Variants in CNTN4 observed in about 807,000 individuals in gnomAD.
CNTN4 encodes the protein contactin 4.
Under a neutral mutation model 122.5 loss-of-function variants are expected in CNTN4, and 77 were observed. The observed-to-expected ratio is 0.63, with a 90% confidence interval of 0.52 to 0.76. The LOEUF is 0.76. CNTN4 is among the 30% of genes least tolerant of loss of function. The probability of loss-of-function intolerance (pLI) is 0.00; values close to 1 mark genes in which losing one functional copy is unlikely to be tolerated. For synonymous variants in CNTN4, 512 were observed against 447.0 expected (o/e 1.15, Z -1.83); for missense variants, 1,256 against 1,259.1 (o/e 1.00, Z 0.04).
At chr3:2,300,653 C>T (rs1449561590) in intron 2 of CNTN4, among the ~76,000 whole-genome samples, 2 of 143,432 alleles carry the variant, frequency 1.4e-5, no homozygotes, top group Non-Finnish European at 1.5e-5. Flanking sequence ...CTCACTGCAA[C>T]CTCTGCCTCC....
At chr3:2,767,607 C>T (rs965009696) in intron 6 of CNTN4, among the ~76,000 whole-genome samples, 6 of 152,040 alleles carry the variant, frequency 3.9e-5, no homozygotes, top group African/African-American at 1.4e-4. Flanking sequence ...ACAGTGAGTC[C>T]ATGGAATACC....
intron 3 of CNTN4, among the ~76,000 whole-genome samples, chr3:2,539,432 A>G (rs551259939): frequency 8.5e-5 from 13 of 152,200 alleles, no homozygotes; most frequent in Middle Eastern, 3.4e-3. Flanking sequence ...GTGTTTTGGA[A>G]ACAAATAAGA....
At chr3:2,359,786 G>A (rs993959473) in intron 3 of CNTN4, among the ~76,000 whole-genome samples, 1 of 152,060 alleles carries the variant, frequency 6.6e-6, no homozygotes, top group Non-Finnish European at 1.5e-5. Flanking sequence ...TGATCCACCC[G>A]CCTCGGCCTC....
chr3:2,649,828 T>A lies in CNTN4; in HGVS notation c.55+78270T>A, dbSNP rs138452412. 3.9e-4 allele frequency among the ~76,000 whole-genome samples: 60 copies of A among 152,032 alleles called. No homozygotes were observed. In the East Asian group the frequency reaches 7.7e-3, roughly 20 times the overall value. ...TCTAGAAAGGATTCACCATCCCAGA[T>A]GCCATTAAGAAAATTTGTGGCTGGG... On this transcript the variant is annotated intron_variant, in intron 4 of 24. Coordinates refer to ENST00000418658, the MANE Select transcript of CNTN4 (RefSeq NM_175607.3).
intron 14 of CNTN4, among the ~76,000 whole-genome samples, chr3:2,992,949 G>A (rs561411039): frequency 4.8e-4 from 73 of 152,246 alleles, no homozygotes; most frequent in Non-Finnish European, 8.8e-4. Flanking sequence ...AACTCCTAGG[G>A]AGGAGGCCTG....
chr3:2,162,282 C>T (rs1370234102), intron 2 of CNTN4, among the ~76,000 whole-genome samples: 1 of 152,126 alleles, frequency 6.6e-6, no homozygotes, highest in Non-Finnish European at 1.5e-5. Context: ...GAGTTCTATT[C>T]ATTTACTAAA....
intron 3 of CNTN4, among the ~76,000 whole-genome samples, chr3:2,340,710 T>TATAGAGAGAGAGAGAGAGAGAGGGGG: frequency 2.2e-4 from 4 of 18,294 alleles, no homozygotes; most frequent in African/African-American, 4.0e-4. Flanking sequence ...TATATATATA[T>TATAGAGAGAGAGAGAGAGAGAGGGGG]AGAGAGAGAG....
intron 3 of CNTN4, among the ~76,000 whole-genome samples, chr3:2,343,325 G>A (rs1178900365): frequency 1.3e-5 from 2 of 152,180 alleles, no homozygotes; most frequent in African/African-American, 4.8e-5. Context: ...GTTCTCTCCT[G>A]CAACCAGTCA....
chr3:2,633,596 C>T (rs2082536348), intron 4 of CNTN4, among the ~76,000 whole-genome samples: 1 of 152,158 alleles, frequency 6.6e-6, no homozygotes, highest in Non-Finnish European at 1.5e-5. Flanking sequence ...TTTCTAAAGA[C>T]ATCTTTAATG....
In CNTN4 at chr3:2,126,011, T is replaced by G. The variant is rs78350160; in HGVS notation, c.-145+25372T>G. 1.4e-3 allele frequency among the ~76,000 whole-genome samples: 219 copies of G among 152,166 alleles called. 1 individual carries two copies. Among genetic ancestry groups the G allele is most frequent in the African/African-American group, 4.8e-3 (201 of 41,506 alleles). On this transcript the variant is annotated intron_variant, in intron 2 of 24. Transcript: ENST00000418658. ...TCGTGATGAGTGTGATCAGCACTAA[T>G]TGTCACTCTGTTATACTAAAAGCTC...
chr3:2,639,370 C>T (rs1331756477), intron 4 of CNTN4, among the ~76,000 whole-genome samples: 2 of 152,178 alleles, frequency 1.3e-5, no homozygotes, highest in African/African-American at 4.8e-5. Flanking sequence ...ACTACTCCCT[C>T]AGATCAGTGC....
intron 3 of CNTN4, among the ~76,000 whole-genome samples, chr3:2,550,100 T>A (rs534356168): frequency 6.6e-6 from 1 of 152,274 alleles, no homozygotes; most frequent in South Asian, 2.1e-4. Context: ...TTTCTTCTTA[T>A]TAGTCTGGCT....
At chr3:2,755,842 A>G (rs1478016949) in intron 6 of CNTN4, among the ~76,000 whole-genome samples, 1 of 152,346 alleles carries the variant, frequency 6.6e-6, no homozygotes, top group African/African-American at 2.4e-5. Context: ...TTTAAAAAAC[A>G]TGAAGGCTAA....
intron 3 of CNTN4, among the ~76,000 whole-genome samples, chr3:2,354,152 A>C (rs2044767098): frequency 6.6e-6 from 1 of 152,222 alleles, no homozygotes; most frequent in Non-Finnish European, 1.5e-5. Context: ...GTAAATCTGT[A>C]GCAGAGATGG....
intron 3 of CNTN4, among the ~76,000 whole-genome samples, chr3:2,427,075 G>A (rs947289527): frequency 6.6e-6 from 1 of 152,012 alleles, no homozygotes; most frequent in Non-Finnish European, 1.5e-5. Context: ...ATCTCCTTCA[G>A]TTCTACTCTG....
intron 4 of CNTN4, among the ~76,000 whole-genome samples, chr3:2,650,447 C>A (rs1345343314): frequency 6.6e-6 from 1 of 152,132 alleles, no homozygotes; most frequent in African/African-American, 2.4e-5. Flanking sequence ...ATTATGTAAA[C>A]TTAGTGGATA....
At chr3:2,129,907 A>T (rs1332145444) in intron 2 of CNTN4, among the ~76,000 whole-genome samples, 1 of 152,034 alleles carries the variant, frequency 6.6e-6, no homozygotes, top group African/African-American at 2.4e-5. Flanking sequence ...GCAGATAGAC[A>T]TGTTTCCTTA....
chr3:2,340,710 T>TATATATATATATATATATATATAGAGAG, intron 3 of CNTN4, among the ~76,000 whole-genome samples: 5 of 18,302 alleles, frequency 2.7e-4, no homozygotes, highest in Non-Finnish European at 6.5e-4. Context: ...TATATATATA[T>TATATATATATATATATATATATAGAGAG]AGAGAGAGAG....
chr3:2,801,572 A>G (rs1215994145), intron 6 of CNTN4, among the ~76,000 whole-genome samples: 1 of 152,200 alleles, frequency 6.6e-6, no homozygotes, highest in Non-Finnish European at 1.5e-5. Flanking sequence ...AGAAAAATAA[A>G]GCATTATTAA....
Sources: gnomAD v4.1 joint callset for allele counts (sites outside exome capture counted in the v4.1 genomes callset) on GRCh38, gnomAD v4.1.1 for gene constraint, MANE v1.5 for transcripts, NCBI Gene and HGNC (gene_info 2026-07-23, HGNC 2026-07-21) for gene names.